Variants in AGBL1 observed in about 807,000 individuals in gnomAD.
The protein encoded by AGBL1 is AGBL carboxypeptidase 1, also known as cytosolic carboxypeptidase 4.
Under a neutral mutation model 118.9 loss-of-function variants are expected in AGBL1, and 130 were observed. The ratio of observed to expected loss-of-function variants is 1.09; its 90% CI spans 0.95 to 1.26. AGBL1 has a LOEUF of 1.26. Ranked by LOEUF, AGBL1 falls within the 50% of genes most tolerant of loss-of-function variation. AGBL1 has a pLI of 0.00. For missense variants in AGBL1, 1,584 were observed against 1,298.1 expected (o/e 1.22, Z -3.38); for synonymous variants, 555 against 478.9 (o/e 1.16, Z -2.08).
chr15:86,320,681 TCTTA>T (rs2080092248), intron 17 of AGBL1, among the ~76,000 whole-genome samples: 1 of 151,944 alleles, frequency 6.6e-6, no homozygotes, highest in Non-Finnish European at 1.5e-5. Context: ...GCTCTTAACG[TCTTA>T]CTATTAAGTA....
At chr15:86,489,472 A>G (rs542373602) in intron 18 of AGBL1, among the ~76,000 whole-genome samples, 3 of 152,276 alleles carry the variant, frequency 2.0e-5, no homozygotes, top group East Asian at 3.9e-4. Flanking sequence ...GAGCCAGAAA[A>G]CATATAAATA....
chr15:86,270,066 T>C lies in AGBL1; in HGVS notation c.1986T>C (p.Tyr662=), dbSNP rs2079134590. Residue 662 remains tyrosine, a splice_region_variant and synonymous_variant, in exon 14 of 23, where the codon TAT becomes TAC. Coordinates refer to ENST00000614907, the MANE Select transcript of AGBL1 (RefSeq NM_001386094.1). ...NCEKPNSQFN[Y]GMQPTLYSVK... is the part of the protein sequence containing the mutation. Reference sequence around the variant, plus strand: ...AGAAGCCCAACAGCCAGTTTAATTATGGTATGAACGCTTGGGGAGCAGGGG... The same window carrying C: ...AGAAGCCCAACAGCCAGTTTAATTACGGTATGAACGCTTGGGGAGCAGGGG... 7 of 1,610,258 alleles carry C rather than the reference T, an allele frequency of 4.3e-6. No individual in the cohort carries two copies. Among genetic ancestry groups the C allele is most frequent in the Non-Finnish European group, 5.9e-6 (7 of 1,178,264 alleles).
chr15:86,568,793 A>C (rs1443140956), intron 21 of AGBL1, among the ~76,000 whole-genome samples: 1 of 152,186 alleles, frequency 6.6e-6, no homozygotes, highest in African/African-American at 2.4e-5. Context: ...ACCCTTGGTC[A>C]AAGAGGTGAG....
intron 5 of AGBL1, among the ~76,000 whole-genome samples, chr15:86,198,145 G>C (rs2077845318): frequency 6.6e-6 from 1 of 152,174 alleles, no homozygotes; most frequent in South Asian, 2.1e-4. Flanking sequence ...AATTTGCCTT[G>C]CTAGGTTTGG....
At chr15:86,644,868 A>AAG (rs2085251759) in intron 21 of AGBL1, among the ~76,000 whole-genome samples, 1 of 150,256 alleles carries the variant, frequency 6.7e-6, no homozygotes, top group Non-Finnish European at 1.5e-5. Flanking sequence ...AAAAAAAAAA[A>AAG]AAAATAGCTG....
At chr15:86,840,491 A>T (rs889576940) in intron 22 of AGBL1, among the ~76,000 whole-genome samples, 1 of 151,974 alleles carries the variant, frequency 6.6e-6, no homozygotes, top group Admixed American at 6.6e-5. Flanking sequence ...TGTTGCCCAG[A>T]CTGGAGTGCA....
chr15:86,774,502 T>C (rs2078225429), intron 22 of AGBL1, among the ~76,000 whole-genome samples: 1 of 152,058 alleles, frequency 6.6e-6, no homozygotes, highest in South Asian at 2.1e-4. Context: ...TGAAACAGAG[T>C]ATCTGACTTC....
In AGBL1 at chr15:86,154,593, G is replaced by A. The variant is rs1175169012; in HGVS notation, c.394+32G>A. 11 of 1,581,798 alleles carry A rather than the reference G, an allele frequency of 7.0e-6. 1 individual carries two copies. Among genetic ancestry groups the A allele is most frequent in the South Asian group, 6.9e-5 (6 of 87,062 alleles). On this transcript the variant is annotated intron_variant, in intron 4 of 22. Transcript: ENST00000614907. ...GACTCTATTGTGGCTCTCGGGGATGGCTTCCAAACCTGGGCTGGGACACAT... is the reference window on the plus strand; with the variant it reads ...GACTCTATTGTGGCTCTCGGGGATGACTTCCAAACCTGGGCTGGGACACAT...
chr15:86,101,913 G>T (rs1004665141), intron 1 of AGBL1, among the ~76,000 whole-genome samples: 9 of 151,984 alleles, frequency 5.9e-5, no homozygotes, highest in African/African-American at 2.2e-4. Flanking sequence ...GTCATTTTAT[G>T]AATTTACTTC....
chr15:86,154,381 C>G lies in AGBL1; in HGVS notation c.263-49C>G, dbSNP rs376033481. 1.2e-5 allele frequency: 19 copies of G among 1,590,810 alleles called. No homozygotes were observed. The African/African-American group carries it at 2.1e-4, about 18-fold the overall frequency. ...TCCTCCACTGTACTCATTGTACAAT[C>G]CAGAATCAATGTGAAGTGCAACTAA... On this transcript the variant is annotated intron_variant, in intron 3 of 22. Transcript: ENST00000614907.
At chr15:86,990,196 G>A (rs1457502510) in intron 24 of AGBL1, among the ~76,000 whole-genome samples, 5 of 152,110 alleles carry the variant, frequency 3.3e-5, no homozygotes, top group African/African-American at 9.7e-5. Context: ...CTCCAGATGA[G>A]AGAGGATAGG....
chr15:86,445,484 T>A (rs145252616), intron 18 of AGBL1, among the ~76,000 whole-genome samples: 2 of 152,316 alleles, frequency 1.3e-5, no homozygotes, highest in African/African-American at 4.8e-5. Context: ...AGTGGGGCAT[T>A]CCCATGTCAG....
At chr15:86,291,652 G>A (rs1352435002) in intron 16 of AGBL1, among the ~76,000 whole-genome samples, 2 of 152,174 alleles carry the variant, frequency 1.3e-5, no homozygotes, top group African/African-American at 4.8e-5. Flanking sequence ...GGAATTATGT[G>A]GTCATGAGAG....
At chr15:86,539,559 A>G (rs891298955) in intron 19 of AGBL1, among the ~76,000 whole-genome samples, 3 of 152,224 alleles carry the variant, frequency 2.0e-5, no homozygotes, top group Non-Finnish European at 4.4e-5. Flanking sequence ...ACATTCTAGA[A>G]TGATGTACAA....
chr15:86,767,858 A>T (rs1007626360), intron 22 of AGBL1, among the ~76,000 whole-genome samples: 2 of 152,040 alleles, frequency 1.3e-5, no homozygotes, highest in Admixed American at 1.3e-4. Context: ...AAGACATCAC[A>T]ATCGAGAAGT....
chr15:86,600,344 G>T (rs1357176817), intron 21 of AGBL1, among the ~76,000 whole-genome samples: 1 of 152,094 alleles, frequency 6.6e-6, no homozygotes, highest in Admixed American at 6.6e-5. Context: ...TGCACACATG[G>T]AATCTTCCAG....
intron 21 of AGBL1, among the ~76,000 whole-genome samples, chr15:86,645,198 C>T (rs771695005): frequency 6.6e-6 from 1 of 152,050 alleles, no homozygotes; most frequent in Non-Finnish European, 1.5e-5. Context: ...TCTTAGATGA[C>T]AGGATACATT....
rs115136009 is a variant in AGBL1, at chr15:86,884,622, G to A, written c.3159-22465G>A. Among the ~76,000 whole-genome samples the A allele has an allele frequency of 5.1e-3, 770 of 152,308 alleles. 12 individuals are homozygous for A. The highest frequency in any genetic ancestry group is 0.017 in the African/African-American group (721 of 41,580). On this transcript the variant is annotated intron_variant, in intron 22 of 22. Transcript: ENST00000614907. ...AGTTCAGGAGTTGGAGACCAGCCTG[G>A]ACAACATGGTGAAACCCTTCCTCTA...
At position 86,145,627 on chromosome 15, in the gene AGBL1, G is replaced by T. The variant is rs187277668; in HGVS notation, c.262+1782G>T. Among the ~76,000 whole-genome samples the T allele has an allele frequency of 2.4e-4, 36 of 152,286 alleles. No individual in the cohort carries two copies. The East Asian group carries it at 6.6e-3, about 28-fold the overall frequency. On this transcript the variant is annotated intron_variant, in intron 3 of 22. Transcript: ENST00000614907. The stretch of plus-strand genomic sequence containing the variant: ...CCACGCTGAGTCCATTCAACATGCT[G>T]CTGATAATGATGGAGAACTAGGCTT...
Sources: allele counts gnomAD v4.1 joint callset (sites outside exome capture counted in the v4.1 genomes callset), GRCh38; gene constraint gnomAD v4.1.1; transcripts MANE v1.5; gene names NCBI Gene and HGNC (gene_info 2026-07-23, HGNC 2026-07-21).